SDE2: variants seen among roughly 807,000 people sequenced by gnomAD.
SDE2 encodes the protein spliceosome associated SDE2.
In SDE2, 31 loss-of-function variants were observed where a neutral mutation model predicts 46.9. That is an observed-to-expected ratio of 0.66 (90% confidence interval 0.50 to 0.89). SDE2 has a LOEUF of 0.89. Ranked by LOEUF, SDE2 falls within the 40% of genes least tolerant of loss-of-function variation. The probability of loss-of-function intolerance (pLI) is 0.00; values close to 1 mark genes in which losing one functional copy is unlikely to be tolerated. For missense variants in SDE2, 542 were observed against 564.4 expected (o/e 0.96, Z 0.40); for synonymous variants, 205 against 204.3 (o/e 1.00, Z -0.03).
intron 5 of SDE2, among the ~76,000 whole-genome samples, chr1:225,989,307 A>AAAT (rs1371056098): frequency 9.7e-5 from 13 of 134,384 alleles, no homozygotes; most frequent in African/African-American, 2.6e-4. Context: ...AAAAAAAAAA[A>AAAT]AATAATAATA....
At position 225,988,207 on chromosome 1, in the gene SDE2, C is replaced by A. The variant is rs764101435; in HGVS notation, c.823G>T (p.Asp275Tyr). ...GSQRARVVNT[D>Y]HGSPEQLQIP... ...TGCAGTTGTTCTGGTGATCCATGGTCTGTATTCACTACTCTCGCCCTCTGA... is the reference window on the plus strand; with the variant it reads ...TGCAGTTGTTCTGGTGATCCATGGTATGTATTCACTACTCTCGCCCTCTGA... Residue 275 changes from aspartate (D) to tyrosine (Y), a missense_variant, in exon 6 of 7, where the codon GAC (aspartate) becomes TAC (tyrosine). Asp to Tyr is a radical substitution (Grantham distance 160). Around this residue, in one of 3 missense-constraint regions of SDE2, gnomAD observed 401 missense variants for 437.8 expected, o/e 0.92. Transcript: ENST00000272091. 1.2e-6 allele frequency: 2 copies of A among 1,614,174 alleles called. No homozygotes were observed. Among genetic ancestry groups the A allele is most frequent in the Non-Finnish European group, 1.7e-6 (2 of 1,180,004 alleles).
At chr1:225,995,494 A>G (rs1462809187) in intron 1 of SDE2, 111 bp from the exon 2 acceptor site, 1 of 542,952 alleles carries the variant, frequency 1.8e-6, no homozygotes, top group East Asian at 3.1e-5. Flanking sequence ...GAGGGTGTTC[A>G]ATTAATATTT....
chr1:225,996,821 T>A (rs1366074921), intron 1 of SDE2, among the ~76,000 whole-genome samples: 1 of 152,208 alleles, frequency 6.6e-6, no homozygotes, highest in South Asian at 2.1e-4. Flanking sequence ...GGACTGTATA[T>A]AAAAACGTCA....
intron 5 of SDE2, among the ~76,000 whole-genome samples, chr1:225,988,877 C>G (rs1656329264): frequency 6.6e-6 from 1 of 152,146 alleles, no homozygotes; most frequent in Non-Finnish European, 1.5e-5. Flanking sequence ...GAGACTGGGA[C>G]CAACTGTCCC....
At chr1:225,989,825 C>T (rs968517005) in intron 5 of SDE2, among the ~76,000 whole-genome samples, 3 of 151,978 alleles carry the variant, frequency 2.0e-5, no homozygotes, top group African/African-American at 7.2e-5. Context: ...CCTATAATCC[C>T]AGCACTTTGC....
Position 225,999,201 on chromosome 1 carries a change from G to C in SDE2, c.112C>G (p.Gln38Glu), listed in dbSNP as rs957025326. ...GGAACCGAAATCCTCACCTGATCTT[G>C]GCAGTGCCGGTGGATAAAATCCCGG... ...TVRDFIHRHCQDQNVPVENFF... is the reference protein window; with the variant it reads ...TVRDFIHRHCEDQNVPVENFF... The change falls in exon 1 of 7, where the codon CAA becomes GAA. Residue 38 changes from glutamine to glutamate, a missense_variant. Coordinates refer to ENST00000272091, the MANE Select transcript of SDE2 (RefSeq NM_152608.4). 1 of 1,612,162 alleles carries C rather than the reference G, an allele frequency of 6.2e-7. No homozygotes were observed. Among genetic ancestry groups the C allele is most frequent in the Non-Finnish European group, 8.5e-7 (1 of 1,178,784 alleles).
intron 6 of SDE2, among the ~76,000 whole-genome samples, chr1:225,986,145 A>G (rs961856361): frequency 3.3e-5 from 5 of 152,048 alleles, no homozygotes; most frequent in African/African-American, 1.2e-4. Context: ...CTTGGTCAAC[A>G]TGGTGAAACC....
At chr1:225,987,764 A>T in intron 6 of SDE2, 132 bp downstream of exon 6, 1 of 882,734 alleles carries the variant, frequency 1.1e-6, no homozygotes, top group Non-Finnish European at 1.8e-6. Flanking sequence ...GCTTCACCAT[A>T]ATCTGTACTT....
At chr1:225,993,044 A>C (rs1656438813) in intron 2 of SDE2, 42 bp from the exon 3 acceptor site, 1 of 1,012,124 alleles carries the variant, frequency 9.9e-7, no homozygotes, top group African/African-American at 1.6e-5. Flanking sequence ...AAATGTGTTC[A>C]AGGATGGATA....
intron 2 of SDE2, among the ~76,000 whole-genome samples, chr1:225,993,961 G>T (rs1215994680): frequency 6.7e-6 from 1 of 149,308 alleles, no homozygotes; most frequent in African/African-American, 2.5e-5. Context: ...AGAGACCAAG[G>T]TCTCACCATC....
rs559618974 is a variant in SDE2 at position 225,992,779 on chromosome 1, G to A, written c.350+112C>T. On this transcript the variant is annotated intron_variant, in intron 3 of 6. Coordinates refer to ENST00000272091, the MANE Select transcript of SDE2 (RefSeq NM_152608.4). ...AAGGTTAAATCTGATAATAAATTTGGATGTAAATATTTTAAGTTTCCATTT... is the reference window on the plus strand; with the variant it reads ...AAGGTTAAATCTGATAATAAATTTGAATGTAAATATTTTAAGTTTCCATTT... The A allele has an allele frequency of 7.2e-6, 5 of 697,386 alleles. No homozygotes were observed. The South Asian group carries it at 7.4e-5, about 10-fold the overall frequency. The allele number at this position is 697,386 out of a possible 1,614,324, so 43.2% of individuals were successfully genotyped here. A position where few individuals can be genotyped will look rare whatever the true frequency, so the allele number is the denominator to read the frequency against.
intron 1 of SDE2, among the ~76,000 whole-genome samples, chr1:225,995,620 G>A (rs1656504739): frequency 6.6e-6 from 1 of 152,140 alleles, no homozygotes; most frequent in South Asian, 2.1e-4. Context: ...TTCAGTCTTT[G>A]CGGTGACAAC....
rs1158131866 is a variant in SDE2 at position 225,994,644 on chromosome 1, C to T, written c.238+622G>A. 2.6e-5 allele frequency among the ~76,000 whole-genome samples: 4 copies of T among 152,196 alleles called. No homozygotes were observed. In the East Asian group the frequency reaches 7.7e-4, roughly 29 times the overall value. On this transcript the variant is annotated intron_variant, in intron 2 of 6. Coordinates refer to ENST00000272091, the MANE Select transcript of SDE2 (RefSeq NM_152608.4). The stretch of plus-strand genomic sequence containing the variant: ...TAACTTTAGACTTCCTTTGGAACTA[C>T]AAAAACGAGACAAAATCCTGATTAA...
chr1:225,991,327 T>A lies in SDE2; in HGVS notation c.557A>T (p.Glu186Val), dbSNP rs762280539. 3.1e-5 allele frequency: 50 copies of A among 1,613,938 alleles called. No homozygotes were observed. Among genetic ancestry groups the A allele is most frequent in the Non-Finnish European group, 4.1e-5 (48 of 1,179,932 alleles). ...TTGCCGTTTCCGATTCTCACTGATTTCTGCTGAAACCATCTTGCTGGAGGC... is the reference window on the plus strand; with the variant it reads ...TTGCCGTTTCCGATTCTCACTGATTACTGCTGAAACCATCTTGCTGGAGGC... The part of the protein sequence containing the change: ...QAASSKMVSA[E>V]ISENRKRQWP... The change falls in exon 5 of 7, where the codon GAA becomes GTA. Residue 186 changes from glutamate to valine, a missense_variant. Physicochemically the swap from Glu to Val is moderately radical, Grantham distance 121. Around this residue, in one of 3 missense-constraint regions of SDE2, gnomAD observed 401 missense variants for 437.8 expected, o/e 0.92. Coordinates refer to ENST00000272091, the MANE Select transcript of SDE2 (RefSeq NM_152608.4).
At chr1:225,990,456 T>C (rs77038137) in intron 5 of SDE2, among the ~76,000 whole-genome samples, 2,212 of 152,262 alleles carry the variant, frequency 0.015, 83 homozygotes, top group East Asian at 0.12. Context: ...TCTATCTAGA[T>C]TGTGGTGATG....
In SDE2 at chr1:225,993,002, C is replaced by T. The variant is rs772194490; in HGVS notation, c.239G>A (p.Gly80Asp). 1 of 1,559,446 alleles carries T rather than the reference C, an allele frequency of 6.4e-7. No homozygotes were observed. The highest frequency in any genetic ancestry group is 1.7e-5 in the Admixed American group (1 of 59,532). Residue 80 changes from glycine to aspartate, a missense_variant and splice_region_variant, in exon 3 of 7, where the codon GGT becomes GAT. Around this residue, in one of 3 missense-constraint regions of SDE2, gnomAD observed 135 missense variants for 106.5 expected, o/e 1.27. Transcript: ENST00000272091. ...LEPRLCGGKG[G>D]FGSMLRALGA... ...AAGTGCTCGGAGCATAGATCCAAAA[C>T]CTGAGCAGATGTATTTGGAGAAAGC...
rs542658261 is a variant in SDE2, at chr1:225,989,183, G to A, written c.642-795C>T. Among the ~76,000 whole-genome samples the A allele has an allele frequency of 2.0e-5, 3 of 150,296 alleles. No individual in the cohort carries two copies. In the South Asian group the frequency reaches 6.4e-4, roughly 32 times the overall value. ...CTGGTGGCAGGTGCCTGTAGTCCCT[G>A]CTACTCGAGAGGCTGAGGCAGGAGA... is the stretch of plus-strand genomic sequence containing the variant. On this transcript the variant is annotated intron_variant, in intron 5 of 6. Coordinates refer to ENST00000272091, the MANE Select transcript of SDE2 (RefSeq NM_152608.4).
chr1:225,991,263 C>T lies in SDE2; in HGVS notation c.621G>A (p.Ala207=), dbSNP rs202100514. ...CTTACCAGAAGCATCTCCTCTTTCC[C>T]GCACTGGCTCCTCTGTCTGTTTGAG... ...TKSQTDRGAS[A]GKRRCFWLGM... is the part of the protein sequence containing the mutation. The change falls in exon 5 of 7, where the codon GCG becomes GCA. Residue 207 remains alanine (A), a synonymous_variant. Transcript: ENST00000272091. 2.4e-5 allele frequency: 39 copies of T among 1,613,740 alleles called. No homozygotes were observed. The highest frequency in any genetic ancestry group is 6.7e-5 in the East Asian group (3 of 44,866).
At chr1:225,986,581 G>A (rs1316352872) in intron 6 of SDE2, among the ~76,000 whole-genome samples, 1 of 152,138 alleles carries the variant, frequency 6.6e-6, no homozygotes, top group Non-Finnish European at 1.5e-5. Context: ...ACTTATGTGT[G>A]TTTAAAGAAT....
Sources: allele counts gnomAD v4.1 joint callset (sites outside exome capture counted in the v4.1 genomes callset), GRCh38; gene constraint gnomAD v4.1.1; regional missense constraint gnomAD v4.1.1; transcripts MANE v1.5; gene names NCBI Gene and HGNC (gene_info 2026-07-23, HGNC 2026-07-21).